ADCY8: variants seen among roughly 807,000 people sequenced by gnomAD.
The protein encoded by ADCY8 is adenylate cyclase 8.
In ADCY8, 51 loss-of-function variants were observed where a neutral mutation model predicts 119.7. That is an observed-to-expected ratio of 0.43 (90% confidence interval 0.34 to 0.54). The LOEUF is 0.54. Among genes scored for constraint, ADCY8 ranks in the 20% least tolerant of loss-of-function variants. The pLI, the probability that ADCY8 is intolerant of heterozygous loss-of-function variation, is 0.03. For synonymous variants in ADCY8, 665 were observed against 651.0 expected, an observed-to-expected ratio of 1.02 and a Z score of -0.33; for missense variants, 1,383 against 1,598.8, an observed-to-expected ratio of 0.87 and a Z score of 2.30.
In ADCY8 at chr8:130,963,831, G is replaced by T. The variant is rs538654572; in HGVS notation, c.1111-11833C>A. ...GGAGGAAAAGCTGGGCTTCTGCATGGTTTATCATCCACACTCAGAGCAAGA... is the reference window on the plus strand; with the variant it reads ...GGAGGAAAAGCTGGGCTTCTGCATGTTTTATCATCCACACTCAGAGCAAGA... On this transcript the variant is annotated intron_variant, in intron 2 of 17. Transcript: ENST00000286355. 1.2e-4 allele frequency among the ~76,000 whole-genome samples: 19 copies of T among 152,250 alleles called. No homozygotes were observed. The South Asian group carries it at 3.9e-3, about 32-fold the overall frequency.
intron 7 of ADCY8, among the ~76,000 whole-genome samples, chr8:130,887,380 GT>G (rs1819029459): frequency 6.6e-6 from 1 of 152,116 alleles, no homozygotes; most frequent in Non-Finnish European, 1.5e-5. Context: ...CCACCACCAA[GT>G]TATAGGTAAT....
intron 8 of ADCY8, among the ~76,000 whole-genome samples, chr8:130,869,980 C>CTTCT (rs2130401923): frequency 5.8e-5 from 8 of 138,994 alleles, no homozygotes; most frequent in African/African-American, 1.3e-4. Flanking sequence ...CTTCTTCCTC[C>CTTCT]TCCTCCTCCT....
At chr8:130,846,629 C>T (rs2130300882) in intron 11 of ADCY8, among the ~76,000 whole-genome samples, 1 of 118,934 alleles carries the variant, frequency 8.4e-6, no homozygotes, top group East Asian at 2.9e-4. Flanking sequence ...TCCTTCCTTC[C>T]TTCTCCTTCC....
intron 8 of ADCY8, among the ~76,000 whole-genome samples, chr8:130,869,760 A>T (rs1236470659): frequency 4.0e-5 from 6 of 151,414 alleles, no homozygotes; most frequent in Non-Finnish European, 8.8e-5. Context: ...CTGGTGATCC[A>T]CCTGCCTCGG....
chr8:130,845,226 T>C (rs2130294531), intron 11 of ADCY8, among the ~76,000 whole-genome samples: 1 of 152,236 alleles, frequency 6.6e-6, no homozygotes, highest in South Asian at 2.1e-4. Context: ...TGTGGTCTTG[T>C]GTTTGGGGGT....
chr8:130,978,748 G>A (rs527887767), intron 2 of ADCY8, among the ~76,000 whole-genome samples: 14 of 152,140 alleles, frequency 9.2e-5, no homozygotes, highest in South Asian at 8.3e-4. Flanking sequence ...TTTTAATTCC[G>A]GCACCTAACT....
In ADCY8 at chr8:130,937,202, TGGAA is replaced by T. The variant is rs767286743; in HGVS notation, c.1354-6_1354-3del. ...TTTAATACGAAGGCAGTGATGCTCCTGGAAGGAACAGGATAAGAGGGAAAGGTCT... is the reference window on the plus strand; with the variant it reads ...TTTAATACGAAGGCAGTGATGCTCCTGGAACAGGATAAGAGGGAAAGGTCT... On this transcript the variant is annotated splice_region_variant and splice_polypyrimidine_tract_variant and intron_variant, in intron 4 of 17. Coordinates refer to ENST00000286355, the MANE Select transcript of ADCY8 (RefSeq NM_001115.3). The T allele has an allele frequency of 6.2e-7, 1 of 1,613,134 alleles. No homozygotes were observed.
At chr8:130,984,122 C>G (rs527264083) in intron 2 of ADCY8, among the ~76,000 whole-genome samples, 3 of 148,022 alleles carry the variant, frequency 2.0e-5, no homozygotes, top group African/African-American at 5.3e-5. Flanking sequence ...GTGAAGAGGA[C>G]AAGAGCTTGC....
At chr8:130,844,456 T>C (rs1039083691) in intron 11 of ADCY8, among the ~76,000 whole-genome samples, 1 of 152,156 alleles carries the variant, frequency 6.6e-6, no homozygotes, top group African/African-American at 2.4e-5. Flanking sequence ...TGATAACATG[T>C]TTTTGGACTG....
At chr8:130,966,347 C>A (rs115134640) in intron 2 of ADCY8, among the ~76,000 whole-genome samples, 1 of 152,086 alleles carries the variant, frequency 6.6e-6, no homozygotes, top group Admixed American at 6.5e-5. Flanking sequence ...AACAATGACT[C>A]CTGCCTAACG....
intron 9 of ADCY8, among the ~76,000 whole-genome samples, chr8:130,858,499 C>T (rs890648924): frequency 6.6e-6 from 1 of 152,100 alleles, no homozygotes; most frequent in Non-Finnish European, 1.5e-5. Context: ...AGGTTATATG[C>T]CATACTTACT....
At chr8:130,877,113 G>T (rs1208638880) in intron 8 of ADCY8, among the ~76,000 whole-genome samples, 1 of 152,158 alleles carries the variant, frequency 6.6e-6, no homozygotes, top group Admixed American at 6.5e-5. Flanking sequence ...TCATGATAGG[G>T]CCTGATATGG....
At chr8:131,022,231 G>T (rs1000632949) in intron 1 of ADCY8, among the ~76,000 whole-genome samples, 2 of 152,080 alleles carry the variant, frequency 1.3e-5, no homozygotes, top group South Asian at 4.1e-4. Flanking sequence ...CCATCAACCC[G>T]TCATCTACAT....
intron 8 of ADCY8, among the ~76,000 whole-genome samples, chr8:130,881,787 C>T (rs748316135): frequency 6.6e-6 from 1 of 151,956 alleles, no homozygotes; most frequent in Non-Finnish European, 1.5e-5. Context: ...TTTGCAATTG[C>T]TTCTGTGGTC....
chr8:131,028,628 C>T (rs1483720571), intron 1 of ADCY8, among the ~76,000 whole-genome samples: 1 of 151,928 alleles, frequency 6.6e-6, no homozygotes, highest in African/African-American at 2.4e-5. Context: ...CTTTGAGTTC[C>T]ATTCTCTAAA....
intron 15 of ADCY8, among the ~76,000 whole-genome samples, chr8:130,794,466 G>A (rs1284567919): frequency 6.6e-6 from 1 of 152,098 alleles, no homozygotes; most frequent in African/African-American, 2.4e-5. Context: ...GACTGGTCTC[G>A]AACTCCTGAC....
At chr8:130,960,251 A>G (rs943503156) in intron 2 of ADCY8, among the ~76,000 whole-genome samples, 1 of 152,150 alleles carries the variant, frequency 6.6e-6, no homozygotes, top group Admixed American at 6.5e-5. Context: ...CTACCTGAAT[A>G]GACTTCCCAT....
At chr8:130,816,944 A>G (rs1345328420) in intron 13 of ADCY8, among the ~76,000 whole-genome samples, 2 of 152,192 alleles carry the variant, frequency 1.3e-5, no homozygotes, top group Non-Finnish European at 2.9e-5. Context: ...AACTCTGTAA[A>G]AACAAATAAC....
At chr8:130,834,602 G>T (rs1816929754) in intron 12 of ADCY8, among the ~76,000 whole-genome samples, 1 of 152,052 alleles carries the variant, frequency 6.6e-6, no homozygotes, top group Admixed American at 6.6e-5. Flanking sequence ...AGGGAAAACT[G>T]GTAACAACCT....
Sources: gnomAD v4.1 joint callset for allele counts (sites outside exome capture counted in the v4.1 genomes callset) on GRCh38, gnomAD v4.1.1 for gene constraint, MANE v1.5 for transcripts, NCBI Gene and HGNC (gene_info 2026-07-23, HGNC 2026-07-21) for gene names.